Variants in DMD observed in about 807,000 individuals in gnomAD.
DMD encodes dystrophin, also known as mutant dystrophin.
A neutral mutation model predicts 330.1 loss-of-function variants in DMD; 63 were observed. That is an observed-to-expected ratio of 0.19 (90% confidence interval 0.16 to 0.24). DMD has a LOEUF of 0.24. Ranked by LOEUF, DMD falls within the 10% of genes least tolerant of loss-of-function variation. The pLI, the probability that DMD is intolerant of heterozygous loss-of-function variation, is 1.00. For missense variants in DMD, 3,344 were observed against 2,684.1 expected (o/e 1.25, Z -5.43); for synonymous variants, 1,223 against 959.8 (o/e 1.27, Z -5.07).
chrX:33,183,708 C>T (rs950159798), intron 1 of DMD, among the ~76,000 whole-genome samples: 2 of 111,200 alleles, frequency 1.8e-5, no homozygotes, highest in African/African-American at 6.5e-5. Flanking sequence ...CATTTCTGTG[C>T]TTTTCCCAGC....
chrX:33,331,910 T>C (rs965459886), intron 1 of DMD, among the ~76,000 whole-genome samples: 3 of 111,996 alleles, frequency 2.7e-5, no homozygotes, highest in South Asian at 3.6e-4. Flanking sequence ...AGTCATCTTT[T>C]CAAAAGTAGT....
At chrX:31,412,554 C>T (rs1233711437) in intron 60 of DMD, among the ~76,000 whole-genome samples, 1 of 111,766 alleles carries the variant, frequency 8.9e-6, no homozygotes, top group Non-Finnish European at 1.9e-5. Flanking sequence ...TTGCTGGGGG[C>T]TGGAACTCAG....
At chrX:32,066,630 T>C (rs2096262032) in intron 44 of DMD, among the ~76,000 whole-genome samples, 1 of 111,557 alleles carries the variant, frequency 9.0e-6, no homozygotes, top group Non-Finnish European at 1.9e-5. Flanking sequence ...TTAACCTCTG[T>C]AGAGAGCAGG....
intron 30 of DMD, among the ~76,000 whole-genome samples, chrX:32,390,979 AC>A (rs1253971639): frequency 8.9e-6 from 1 of 112,227 alleles, no homozygotes; most frequent in Non-Finnish European, 1.9e-5. Context: ...ATTTTAGATA[AC>A]TATAAAACAT....
chrX:31,451,548 C>T lies in DMD; in HGVS notation c.8938-6921G>A, dbSNP rs767882655. 7.0e-4 allele frequency among the ~76,000 whole-genome samples: 77 copies of T among 110,417 alleles called. 1 individual carries two copies. The highest frequency in any genetic ancestry group is 1.3e-4 in the Non-Finnish European group (7 of 52,881). On this transcript the variant is annotated intron_variant, in intron 59 of 78. Coordinates refer to ENST00000357033, the MANE Select transcript of DMD (RefSeq NM_004006.3). Reference sequence around the variant, plus strand: ...CCACCCACGTAGGCCTCCCAAAGTGCTGGGATTACAGGCCTGAGCCACCGT... The same window carrying T: ...CCACCCACGTAGGCCTCCCAAAGTGTTGGGATTACAGGCCTGAGCCACCGT...
intron 41 of DMD, among the ~76,000 whole-genome samples, chrX:32,327,836 G>T (rs1263324405): frequency 2.7e-5 from 3 of 111,560 alleles, no homozygotes; most frequent in African/African-American, 9.8e-5. Flanking sequence ...TTTTGAAAAG[G>T]TAATTAACTG....
At chrX:32,067,975 A>C (rs2147758114) in intron 44 of DMD, among the ~76,000 whole-genome samples, 1 of 112,076 alleles carries the variant, frequency 8.9e-6, no homozygotes. Context: ...TCCCAACAAC[A>C]GTGTATAAGC....
chrX:31,892,638 G>C (rs1414358634), intron 47 of DMD, among the ~76,000 whole-genome samples: 1 of 111,786 alleles, frequency 8.9e-6, no homozygotes. Context: ...TAGGCTACAT[G>C]ATATAGCCTA....
At chrX:32,712,184 G>A (rs2065249222) in intron 7 of DMD, among the ~76,000 whole-genome samples, 1 of 111,211 alleles carries the variant, frequency 9.0e-6, no homozygotes, top group Non-Finnish European at 1.9e-5. Flanking sequence ...GCCATAAGTC[G>A]AGGATTATGC....
intron 1 of DMD, among the ~76,000 whole-genome samples, chrX:33,121,200 A>G (rs768579831): frequency 8.1e-4 from 88 of 109,135 alleles, no homozygotes; most frequent in Non-Finnish European, 1.5e-3. Context: ...GCGTCTGTTG[A>G]ATTTTTATAA....
Position 32,448,540 on chromosome X carries a change from C to G in DMD, c.3702G>C (p.Glu1234Asp), listed in dbSNP as rs762528226. The stretch of plus-strand genomic sequence containing the variant: ...GAGTTTCAAGTTCCTTTTTTAAGGC[C>G]TCTTGTGCTACAGGTGGAGCTTGAG... ...VIAQAPPVAQ[E>D]ALKKELETLT... The change falls in exon 27 of 79, where the codon GAG becomes GAC. Residue 1234 changes from glutamate to aspartate, a missense_variant. Physicochemically the swap from Glu to Asp is conservative, Grantham distance 45. Coordinates refer to ENST00000357033, the MANE Select transcript of DMD (RefSeq NM_004006.3). The G allele has an allele frequency of 8.3e-7, 1 of 1,208,528 alleles. No individual in the cohort carries two copies. The highest frequency in any genetic ancestry group is 1.1e-6 in the Non-Finnish European group (1 of 893,203).
At chrX:31,739,694 T>A (rs185265406) in intron 51 of DMD, among the ~76,000 whole-genome samples, 5 of 109,191 alleles carry the variant, frequency 4.6e-5, no homozygotes, top group Admixed American at 2.0e-4. Context: ...GGTTGATGAG[T>A]ATAGCAAACC....
At chrX:31,338,501 C>A (rs1217511696) in intron 61 of DMD, among the ~76,000 whole-genome samples, 1 of 109,009 alleles carries the variant, frequency 9.2e-6, no homozygotes, top group Non-Finnish European at 1.9e-5. Context: ...CCCCTTATCT[C>A]AAAGTAGGGA....
chrX:33,190,953 T>TTA (rs1302313435), intron 1 of DMD, among the ~76,000 whole-genome samples: 1 of 1,586 alleles, frequency 6.3e-4, no homozygotes, highest in African/African-American at 2.1e-3. Context: ...ATATATAATA[T>TTA]TATATATATA....
intron 44 of DMD, among the ~76,000 whole-genome samples, chrX:31,984,041 T>C (rs1017512508): frequency 9.0e-6 from 1 of 111,560 alleles, no homozygotes; most frequent in Admixed American, 9.5e-5. Flanking sequence ...AAGTAGAAAG[T>C]ACAAAAAAAT....
intron 2 of DMD, among the ~76,000 whole-genome samples, chrX:32,952,344 G>GGC (rs758441983): frequency 1.0e-3 from 113 of 110,499 alleles, no homozygotes; most frequent in Non-Finnish European, 1.8e-3. Context: ...GCGTTGGTCA[G>GGC]GCTGGTCTTG....
intron 55 of DMD, among the ~76,000 whole-genome samples, chrX:31,599,535 T>C (rs2077252777): frequency 8.9e-6 from 1 of 112,366 alleles, no homozygotes; most frequent in South Asian, 3.7e-4. Context: ...TTCTTCCCTA[T>C]TCATGGAGAG....
At chrX:31,830,483 A>G (rs5927877) in intron 49 of DMD, among the ~76,000 whole-genome samples, 53,649 of 109,948 alleles carry the variant, frequency 0.49, 9,698 homozygotes, top group East Asian at 0.64. Context: ...AATCCCAGCT[A>G]CTTGGAAGGC....
intron 9 of DMD, among the ~76,000 whole-genome samples, chrX:32,688,453 T>A (rs73621819): frequency 2.7e-5 from 3 of 112,258 alleles, no homozygotes; most frequent in Non-Finnish European, 5.6e-5. Flanking sequence ...TTTATAAATA[T>A]AATGCAAAAT....
Sources: gnomAD v4.1 joint callset for allele counts (sites outside exome capture counted in the v4.1 genomes callset) on GRCh38, gnomAD v4.1.1 for gene constraint, MANE v1.5 for transcripts, NCBI Gene and HGNC (gene_info 2026-07-23, HGNC 2026-07-21) for gene names.